FHIT: variants seen among roughly 807,000 people sequenced by gnomAD.
FHIT encodes the protein bis(5'-adenosyl)-triphosphatase.
In FHIT, 19 loss-of-function variants were observed where a neutral mutation model predicts 17.9. The observed-to-expected ratio is 1.06, with a 90% CI of 0.74 to 1.56. The LOEUF (loss-of-function observed/expected upper bound fraction) is 1.56. FHIT is among the 40% of genes most tolerant of loss of function. The pLI is 0.00. For synonymous variants in FHIT, 81 were observed against 69.7 expected (o/e 1.16, Z -0.81); for missense variants, 248 against 189.2 (o/e 1.31, Z -1.82).
chr3:60,447,400 C>T (rs78010174), intron 5 of FHIT, among the ~76,000 whole-genome samples: 1 of 152,186 alleles, frequency 6.6e-6, no homozygotes, highest in East Asian at 1.9e-4. Context: ...CCATATGTTA[C>T]ATAGGAATTA....
chr3:59,826,856 C>A (rs1700996405), intron 8 of FHIT, among the ~76,000 whole-genome samples: 1 of 152,206 alleles, frequency 6.6e-6, no homozygotes, highest in Non-Finnish European at 1.5e-5. Flanking sequence ...TAGAATAAAA[C>A]CATTTTTTTA....
chr3:61,046,922 G>A (rs574081545), intron 2 of FHIT, among the ~76,000 whole-genome samples: 1 of 152,130 alleles, frequency 6.6e-6, no homozygotes, highest in Non-Finnish European at 1.5e-5. Context: ...CGCAGAAAAA[G>A]CCTTCGAAAA....
chr3:59,804,446 C>T (rs562906978), intron 8 of FHIT, among the ~76,000 whole-genome samples: 22 of 152,156 alleles, frequency 1.4e-4, no homozygotes, highest in East Asian at 3.9e-4. Flanking sequence ...GGACAAAATG[C>T]GCAAACAAAG....
intron 5 of FHIT, among the ~76,000 whole-genome samples, chr3:60,376,895 T>C (rs916067389): frequency 6.6e-6 from 1 of 152,206 alleles, no homozygotes; most frequent in Non-Finnish European, 1.5e-5. Flanking sequence ...TGTATAAAGC[T>C]ACGAATTCCA....
intron 8 of FHIT, among the ~76,000 whole-genome samples, chr3:59,813,823 A>G (rs978437319): frequency 1.3e-5 from 2 of 152,072 alleles, no homozygotes; most frequent in Non-Finnish European, 2.9e-5. Flanking sequence ...CAGCTAGATA[A>G]GTCATTGTTC....
At chr3:60,169,117 G>C (rs139440823) in intron 5 of FHIT, among the ~76,000 whole-genome samples, 1 of 152,324 alleles carries the variant, frequency 6.6e-6, no homozygotes, top group Non-Finnish European at 1.5e-5. Context: ...CATGCTATCA[G>C]CTAGAAAGAC....
At chr3:59,903,592 C>T (rs1185848573) in intron 8 of FHIT, among the ~76,000 whole-genome samples, 1 of 152,090 alleles carries the variant, frequency 6.6e-6, no homozygotes, top group Non-Finnish European at 1.5e-5. Flanking sequence ...CCCTGTTATT[C>T]TGAGAATTAA....
At chr3:60,399,012 T>A (rs568926836) in intron 5 of FHIT, among the ~76,000 whole-genome samples, 4 of 152,136 alleles carry the variant, frequency 2.6e-5, no homozygotes, top group African/African-American at 9.6e-5. Flanking sequence ...ATTAATAGAC[T>A]TTTTTGAAAG....
chr3:60,258,260 T>C (rs1158393486), intron 5 of FHIT, among the ~76,000 whole-genome samples: 1 of 152,146 alleles, frequency 6.6e-6, no homozygotes, highest in Admixed American at 6.6e-5. Context: ...AACGTTCAAC[T>C]TTACCTGAGC....
At chr3:60,324,789 C>A (rs1709608424) in intron 5 of FHIT, among the ~76,000 whole-genome samples, 1 of 152,018 alleles carries the variant, frequency 6.6e-6, no homozygotes, top group Admixed American at 6.6e-5. Context: ...TCACTTTTAA[C>A]CCTCTTCTCA....
At chr3:60,241,520 T>C (rs1705127562) in intron 5 of FHIT, among the ~76,000 whole-genome samples, 1 of 152,302 alleles carries the variant, frequency 6.6e-6, no homozygotes, top group African/African-American at 2.4e-5. Context: ...AAAGGTACTA[T>C]CTTCCTATTA....
intron 5 of FHIT, among the ~76,000 whole-genome samples, chr3:60,343,376 T>C (rs1292113902): frequency 2.6e-5 from 4 of 152,076 alleles, no homozygotes; most frequent in African/African-American, 7.2e-5. Context: ...GATAGAACTA[T>C]AGGGAGGCAG....
At chr3:60,883,974 A>T (rs1705092983) in intron 3 of FHIT, among the ~76,000 whole-genome samples, 2 of 152,334 alleles carry the variant, frequency 1.3e-5, no homozygotes, top group South Asian at 4.1e-4. Context: ...TTGACAAGGG[A>T]TTAATAACCA....
intron 3 of FHIT, among the ~76,000 whole-genome samples, chr3:60,962,542 T>C (rs1371464207): frequency 6.6e-6 from 1 of 152,226 alleles, no homozygotes; most frequent in Admixed American, 6.5e-5. Flanking sequence ...GTTTTGCCAA[T>C]TCAGTATGAT....
chr3:60,960,579 C>T (rs35059096), intron 3 of FHIT, among the ~76,000 whole-genome samples: 45 of 152,154 alleles, frequency 3.0e-4, no homozygotes, highest in African/African-American at 1.1e-3. Flanking sequence ...CTCCTCCCCC[C>T]ACCCCACAAC....
At chr3:60,145,871 G>A (rs1163085590) in intron 5 of FHIT, among the ~76,000 whole-genome samples, 1 of 151,950 alleles carries the variant, frequency 6.6e-6, no homozygotes, top group Non-Finnish European at 1.5e-5. Flanking sequence ...TGTTTTCTTT[G>A]CCAATTAAGG....
intron 5 of FHIT, among the ~76,000 whole-genome samples, chr3:60,215,246 C>T (rs548689704): frequency 8.5e-5 from 13 of 152,128 alleles, no homozygotes; most frequent in African/African-American, 2.6e-4. Context: ...AATCCCAGCA[C>T]GTTGGGAGGC....
At chr3:59,771,586 A>G (rs993373735) in intron 8 of FHIT, among the ~76,000 whole-genome samples, 2 of 152,208 alleles carry the variant, frequency 1.3e-5, no homozygotes, top group Non-Finnish European at 2.9e-5. Flanking sequence ...AAGCAATTAA[A>G]TAATTACTAA....
intron 5 of FHIT, among the ~76,000 whole-genome samples, chr3:60,157,652 A>G (rs902885278): frequency 6.6e-6 from 1 of 152,200 alleles, no homozygotes; most frequent in Non-Finnish European, 1.5e-5. Flanking sequence ...TAAAAAGCAA[A>G]TTACCCTGTA....
Sources: gnomAD v4.1 joint callset for allele counts (sites outside exome capture counted in the v4.1 genomes callset) on GRCh38, gnomAD v4.1.1 for gene constraint, MANE v1.5 for transcripts, NCBI Gene and HGNC (gene_info 2026-07-23, HGNC 2026-07-21) for gene names.